SH3RF3: variants seen among roughly 807,000 people sequenced by gnomAD.
SH3RF3 encodes E3 ubiquitin-protein ligase SH3RF3.
Under a neutral mutation model 66.3 loss-of-function variants are expected in SH3RF3, and 29 were observed. The ratio of observed to expected loss-of-function variants is 0.44; its 90% CI spans 0.33 to 0.60. The LOEUF (loss-of-function observed/expected upper bound fraction) is 0.60, where lower values mean the gene tolerates loss of function less well. Among genes scored for constraint, SH3RF3 ranks in the 20% least tolerant of loss-of-function variants. The pLI is 0.04. For synonymous variants in SH3RF3, 583 were observed against 532.0 expected (o/e 1.10, Z -1.32); for missense variants, 1,194 against 1,190.9 (o/e 1.00, Z -0.04).
intron 1 of SH3RF3, among the ~76,000 whole-genome samples, chr2:109,133,242 T>C (rs537563478): frequency 1.3e-5 from 2 of 152,312 alleles, no homozygotes; most frequent in Admixed American, 6.5e-5. Flanking sequence ...TTTGATGATA[T>C]AAAAGTCGGC....
intron 1 of SH3RF3, among the ~76,000 whole-genome samples, chr2:109,339,686 C>T (rs1157139497): frequency 1.3e-5 from 2 of 152,162 alleles, no homozygotes. Flanking sequence ...TGGGGACTTG[C>T]TCAAGTACTC....
At chr2:109,487,769 CAG>C (rs993624987) in intron 8 of SH3RF3, among the ~76,000 whole-genome samples, 22 of 152,190 alleles carry the variant, frequency 1.4e-4, no homozygotes, top group African/African-American at 4.1e-4. Context: ...CCTCTCTACT[CAG>C]GGGCCAGAAG....
At chr2:109,420,457 G>C in intron 5 of SH3RF3, among the ~76,000 whole-genome samples, 1 of 151,994 alleles carries the variant, frequency 6.6e-6, no homozygotes, top group East Asian at 1.9e-4. Flanking sequence ...GTTTTGTTTT[G>C]TTTTTTGAGA....
In SH3RF3 at chr2:109,444,758, C is replaced by T. The variant is rs191979235; in HGVS notation, c.1829-4412C>T. On this transcript the variant is annotated intron_variant, in intron 7 of 9. Transcript: ENST00000309415. ...AGACCCAGAAAAGTAGACAAAGAGC[C>T]GCAAGCTCAGGGTGAGCTGGCACAT... Among the ~76,000 whole-genome samples the T allele has an allele frequency of 2.8e-4, 42 of 152,202 alleles. No homozygotes were observed. In the East Asian group the frequency reaches 5.0e-3, roughly 18 times the overall value.
intron 1 of SH3RF3, among the ~76,000 whole-genome samples, chr2:109,243,067 T>A (rs1345096420): frequency 6.6e-6 from 1 of 152,220 alleles, no homozygotes; most frequent in Non-Finnish European, 1.5e-5. Flanking sequence ...TGAAATCGGC[T>A]GTTCATATTC....
At chr2:109,193,442 C>T (rs79006626) in intron 1 of SH3RF3, among the ~76,000 whole-genome samples, 2,616 of 152,262 alleles carry the variant, frequency 0.017, 92 homozygotes, top group African/African-American at 0.06. Flanking sequence ...TTACTGTCAC[C>T]CCAGCTCTGG....
intron 8 of SH3RF3, among the ~76,000 whole-genome samples, chr2:109,458,578 G>C (rs576227014): frequency 1.5e-5 from 2 of 137,590 alleles, no homozygotes; most frequent in South Asian, 2.4e-4. Context: ...GAGACAGAGA[G>C]AGAGAGAGAG....
At chr2:109,338,222 G>A (rs1030279773) in intron 1 of SH3RF3, among the ~76,000 whole-genome samples, 5 of 152,072 alleles carry the variant, frequency 3.3e-5, no homozygotes, top group South Asian at 2.1e-4. Context: ...TAACTCATTC[G>A]ATCTCACATT....
At chr2:109,311,734 T>C (rs1190245062) in intron 1 of SH3RF3, among the ~76,000 whole-genome samples, 5 of 152,194 alleles carry the variant, frequency 3.3e-5, no homozygotes, top group Non-Finnish European at 5.9e-5. Context: ...CTTGTCTGAC[T>C]TCACTCTGAA....
intron 2 of SH3RF3, among the ~76,000 whole-genome samples, chr2:109,367,216 G>A (rs865915047): frequency 1.7e-4 from 26 of 150,600 alleles, no homozygotes; most frequent in Admixed American, 6.6e-4. Context: ...TGCCTACTTC[G>A]GCCTACCAAA....
At chr2:109,381,084 T>A (rs1675639827) in intron 3 of SH3RF3, among the ~76,000 whole-genome samples, 1 of 152,244 alleles carries the variant, frequency 6.6e-6, no homozygotes, top group South Asian at 2.1e-4. Context: ...CCAAGTGGTC[T>A]ACCACTTGCT....
In SH3RF3 at chr2:109,398,643, T is replaced by C; in HGVS notation, c.999T>C (p.Ala333=). 2.5e-6 allele frequency: 4 copies of C among 1,601,150 alleles called. No individual in the cohort carries two copies. Among genetic ancestry groups the C allele is most frequent in the South Asian group, 2.3e-5 (2 of 88,438 alleles). ...LIEMDKPCPA[A]ASSCNASLPS... ...AGATGGACAAGCCATGCCCAGCCGC[T>C]GCATCCAGCTGCAATGCCTCCCTGC... The change falls in exon 4 of 10, where the codon GCT becomes GCC. Residue 333 remains alanine (A), a synonymous_variant. Coordinates refer to ENST00000309415, the MANE Select transcript of SH3RF3 (RefSeq NM_001099289.3).
chr2:109,415,249 A>T (rs1676691631), intron 4 of SH3RF3, among the ~76,000 whole-genome samples: 1 of 152,216 alleles, frequency 6.6e-6, no homozygotes, highest in Admixed American at 6.5e-5. Flanking sequence ...TAAGCCCCTG[A>T]GTCTGTGGCT....
At chr2:109,373,108 A>G (rs1683309107) in intron 3 of SH3RF3, among the ~76,000 whole-genome samples, 1 of 152,110 alleles carries the variant, frequency 6.6e-6, no homozygotes, top group African/African-American at 2.4e-5. Context: ...TCCCACAGCA[A>G]TGGCAGATAA....
chr2:109,458,602 A>AGAGAGAGAGAGAGAGAGAGAGAG (rs1553524399), intron 8 of SH3RF3, among the ~76,000 whole-genome samples: 1 of 39,922 alleles, frequency 2.5e-5, no homozygotes, highest in Non-Finnish European at 6.9e-5. Flanking sequence ...GAGAGAGAGA[A>AGAGAGAGAGAGAGAGAGAGAGAG]TTTATTTATT....
At chr2:109,148,483 T>C (rs1039790685) in intron 1 of SH3RF3, among the ~76,000 whole-genome samples, 39 of 152,154 alleles carry the variant, frequency 2.6e-4, no homozygotes, top group African/African-American at 9.2e-4. Flanking sequence ...TCTGCACGTG[T>C]GGGCTGATAC....
At chr2:109,168,193 T>C (rs1171490573) in intron 1 of SH3RF3, among the ~76,000 whole-genome samples, 1 of 152,204 alleles carries the variant, frequency 6.6e-6, no homozygotes, top group African/African-American at 2.4e-5. Context: ...TTTGCAAACA[T>C]TGCATCATTG....
At chr2:109,251,566 G>C (rs1680092699) in intron 1 of SH3RF3, 4 of 813,270 alleles carry the variant, frequency 4.9e-6, no homozygotes, top group Non-Finnish European at 8.8e-6. Context: ...TGTGGAGATG[G>C]CGACTGGTGG....
At chr2:109,448,745 A>G (rs976372759) in intron 7 of SH3RF3, among the ~76,000 whole-genome samples, 2 of 152,186 alleles carry the variant, frequency 1.3e-5, no homozygotes, top group South Asian at 2.1e-4. Flanking sequence ...TAACAAATGT[A>G]ATGCACTTGA....
Sources: gnomAD v4.1 joint callset for allele counts (sites outside exome capture counted in the v4.1 genomes callset) on GRCh38, gnomAD v4.1.1 for gene constraint, MANE v1.5 for transcripts, NCBI Gene and HGNC (gene_info 2026-07-23, HGNC 2026-07-21) for gene names.